FOXN2: variants seen among roughly 807,000 people sequenced by gnomAD.
The protein encoded by FOXN2 is forkhead box N2.
FOXN2 carries 19 observed loss-of-function variants against 41.2 expected under a neutral mutation model. That is an observed-to-expected ratio of 0.46 (90% confidence interval 0.32 to 0.68). The LOEUF is 0.68. Among genes scored for constraint, FOXN2 ranks in the 30% least tolerant of loss-of-function variants. FOXN2 has a pLI of 0.03. For synonymous variants in FOXN2, 195 were observed against 176.8 expected, an observed-to-expected ratio of 1.10 and a Z score of -0.82; for missense variants, 587 against 509.4, an observed-to-expected ratio of 1.15 and a Z score of -1.47.
At chr2:48,330,884 A>G (rs1369952724) in intron 2 of FOXN2, among the ~76,000 whole-genome samples, 1 of 152,224 alleles carries the variant, frequency 6.6e-6, no homozygotes, top group Non-Finnish European at 1.5e-5. Context: ...AAACAATTTT[A>G]TCTGTAGGCT....
intron 3 of FOXN2, among the ~76,000 whole-genome samples, chr2:48,354,806 C>G (rs1480600265): frequency 6.6e-6 from 1 of 152,056 alleles, no homozygotes; most frequent in Non-Finnish European, 1.5e-5. Context: ...GAGGAGGAAA[C>G]ACAAATAGGC....
At chr2:48,324,375 A>G (rs1669530377) in intron 1 of FOXN2, among the ~76,000 whole-genome samples, 1 of 152,062 alleles carries the variant, frequency 6.6e-6, no homozygotes, top group African/African-American at 2.4e-5. Flanking sequence ...TTGTATTTTT[A>G]GTAGAGACGG....
chr2:48,326,107 A>G (rs540580610), intron 1 of FOXN2, among the ~76,000 whole-genome samples: 46 of 152,222 alleles, frequency 3.0e-4, no homozygotes, highest in African/African-American at 1.0e-3. Context: ...GCCTTGGCCT[A>G]CCAGATTGCT....
chr2:48,313,849 ATT>A (rs1011736767), upstream of FOXN2, among the ~76,000 whole-genome samples: 3 of 152,200 alleles, frequency 2.0e-5, no homozygotes, highest in Non-Finnish European at 2.9e-5. Flanking sequence ...CAAACGGGAT[ATT>A]CTTATATTTT....
chr2:48,353,632 T>A (rs1313864824), intron 3 of FOXN2, among the ~76,000 whole-genome samples: 1 of 150,316 alleles, frequency 6.7e-6, no homozygotes. Context: ...AGTGATATTA[T>A]TCAATAACCT....
chr2:48,365,725 T>C (rs1672487002), intron 5 of FOXN2, among the ~76,000 whole-genome samples: 2 of 152,196 alleles, frequency 1.3e-5, no homozygotes, highest in Non-Finnish European at 1.5e-5. Context: ...CTAGTAATAA[T>C]TAACTTAGTG....
At chr2:48,365,506 C>T (rs1672475254) in intron 5 of FOXN2, among the ~76,000 whole-genome samples, 1 of 152,178 alleles carries the variant, frequency 6.6e-6, no homozygotes, top group South Asian at 2.1e-4. Context: ...TTTTCTTGCT[C>T]TTGTTCTGTT....
At chr2:48,363,927 T>G (rs2104482876) in intron 5 of FOXN2, among the ~76,000 whole-genome samples, 1 of 152,314 alleles carries the variant, frequency 6.6e-6, no homozygotes, top group South Asian at 2.1e-4. Context: ...TGCATTTTTA[T>G]TTATTTGTTT....
In FOXN2 at chr2:48,362,683, C is replaced by G. The variant is rs746022178; in HGVS notation, c.679C>G (p.Gln227Glu). 40 of 1,613,828 alleles carry G rather than the reference C, an allele frequency of 2.5e-5. No individual in the cohort carries two copies. Among genetic ancestry groups the G allele is most frequent in the Admixed American group, 1.3e-4 (8 of 59,986 alleles). ...TCACTATTTAAGCTCTGTAATCAAG[C>G]AGAACCAGGTGCGAAACCTCAAAGG... Reference protein sequence around the residue: ...SPHYLSSVIKQNQVRNLKESD... With the variant: ...SPHYLSSVIKENQVRNLKESD... The change falls in exon 5 of 7, where the codon CAG (glutamine) becomes GAG (glutamate). Residue 227 changes from glutamine to glutamate, a missense_variant. Physicochemically the swap from Gln to Glu is conservative, Grantham distance 29. Transcript: ENST00000340553.
At chr2:48,315,782 T>C (rs904139687) in intron 1 of FOXN2, among the ~76,000 whole-genome samples, 2 of 152,226 alleles carry the variant, frequency 1.3e-5, no homozygotes, top group Non-Finnish European at 1.5e-5. Context: ...TTGGGGTGTC[T>C]GCTTCGCTGA....
chr2:48,351,492 C>G (rs1671444537), intron 3 of FOXN2, among the ~76,000 whole-genome samples: 1 of 152,172 alleles, frequency 6.6e-6, no homozygotes, highest in Non-Finnish European at 1.5e-5. Context: ...GGTCCCCAAA[C>G]TTTTGACGCT....
At chr2:48,347,455 C>A (rs1434104219) in intron 3 of FOXN2, among the ~76,000 whole-genome samples, 1 of 151,708 alleles carries the variant, frequency 6.6e-6, no homozygotes, top group Non-Finnish European at 1.5e-5. Flanking sequence ...CTTGGAACTC[C>A]TGACCTCAAG....
intron 5 of FOXN2, among the ~76,000 whole-genome samples, chr2:48,363,593 G>A (rs2104480959): frequency 6.6e-6 from 1 of 152,220 alleles, no homozygotes; most frequent in East Asian, 1.9e-4. Context: ...CTTCATTCAT[G>A]GTAAGTACCC....
intron 1 of FOXN2, among the ~76,000 whole-genome samples, chr2:48,324,148 A>G (rs983086725): frequency 6.6e-6 from 1 of 152,012 alleles, no homozygotes; most frequent in Non-Finnish European, 1.5e-5. Context: ...TGGAAAACAT[A>G]GTATAACGCA....
chr2:48,322,955 A>G (rs1669434485), intron 1 of FOXN2, among the ~76,000 whole-genome samples: 1 of 150,890 alleles, frequency 6.6e-6, no homozygotes, highest in Non-Finnish European at 1.5e-5. Context: ...TCTTAAAAGT[A>G]TGAATGCTTT....
chr2:48,353,552 CTGTGTGTGTG>C (rs57528113), intron 3 of FOXN2, among the ~76,000 whole-genome samples: 13,027 of 128,830 alleles, frequency 0.1, 661 homozygotes, highest in South Asian at 0.13. Context: ...TCACTTAAGA[CTGTGTGTGTG>C]TGTGTGTGTG....
chr2:48,347,046 T>G (rs1259395205), intron 3 of FOXN2, among the ~76,000 whole-genome samples: 1 of 152,114 alleles, frequency 6.6e-6, no homozygotes, highest in Non-Finnish European at 1.5e-5. Context: ...ATTTGATTCT[T>G]TATTCAATAT....
rs1233277418 is a variant in FOXN2 at position 48,342,551 on chromosome 2, TATTTTTTAAAATAA to T, written c.-14-3649_-14-3636del. ...TCCTTGCCCAAAATTGTTTATTTTA[TATTTTTTAAAATAA>T]GTTTTTTATATAATTTTTTAATTTA... On this transcript the variant is annotated intron_variant, in intron 2 of 6. Coordinates refer to ENST00000340553, the MANE Select transcript of FOXN2 (RefSeq NM_002158.4). Among the ~76,000 whole-genome samples, 3 of 152,030 alleles carry T rather than the reference TATTTTTTAAAATAA, an allele frequency of 2.0e-5. No homozygotes were observed. The East Asian group carries it at 5.8e-4, about 29-fold the overall frequency.
chr2:48,374,254 T>C (rs1673091484), intron 6 of FOXN2, among the ~76,000 whole-genome samples: 1 of 152,050 alleles, frequency 6.6e-6, no homozygotes, highest in Non-Finnish European at 1.5e-5. Flanking sequence ...ACTAGGTGGA[T>C]CTTAGAAGAG....
Sources: gnomAD v4.1 joint callset for allele counts (sites outside exome capture counted in the v4.1 genomes callset) on GRCh38, gnomAD v4.1.1 for gene constraint, MANE v1.5 for transcripts, NCBI Gene and HGNC (gene_info 2026-07-23, HGNC 2026-07-21) for gene names.